The following DYTN variants were observed in gnomAD, a reference collection of about 807,000 sequenced individuals.
The protein encoded by DYTN is dystrotelin.
Under a neutral mutation model 69.6 loss-of-function variants are expected in DYTN, and 75 were observed. That is an observed-to-expected ratio of 1.08 (90% CI 0.89 to 1.31). The LOEUF (loss-of-function observed/expected upper bound fraction) is 1.31. DYTN is among the 50% of genes most tolerant of loss of function. The probability of loss-of-function intolerance (pLI) is 0.00; values close to 1 mark genes in which losing one functional copy is unlikely to be tolerated. For missense variants in DYTN, 726 were observed against 688.4 expected (o/e 1.05, Z -0.61); for synonymous variants, 252 against 249.1 (o/e 1.01, Z -0.11).
At chr2:206,667,096 A>G (rs1374070676) in intron 9 of DYTN, among the ~76,000 whole-genome samples, 2 of 152,166 alleles carry the variant, frequency 1.3e-5, no homozygotes, top group African/African-American at 2.4e-5. Flanking sequence ...TCTTTAAAAC[A>G]AAAGTCAAGC....
intron 10 of DYTN, among the ~76,000 whole-genome samples, chr2:206,664,210 T>C (rs1699543407): frequency 6.6e-6 from 1 of 152,204 alleles, no homozygotes; most frequent in South Asian, 2.1e-4. Flanking sequence ...ACTTCTGATG[T>C]GTACTGAAAT....
At chr2:206,678,862 A>C (rs1699719343) in intron 9 of DYTN, among the ~76,000 whole-genome samples, 1 of 152,218 alleles carries the variant, frequency 6.6e-6, no homozygotes, top group South Asian at 2.1e-4. Flanking sequence ...TGAGATAAAA[A>C]GTTATTCAAT....
intron 9 of DYTN, among the ~76,000 whole-genome samples, chr2:206,667,697 CGTGT>C (rs71410894): frequency 0.025 from 3,563 of 144,036 alleles, 138 homozygotes; most frequent in African/African-American, 0.08. Context: ...TTTGCGTGTG[CGTGT>C]GTGTGTGTGT....
At chr2:206,707,742 A>G (rs1243863058) in intron 2 of DYTN, among the ~76,000 whole-genome samples, 1 of 152,164 alleles carries the variant, frequency 6.6e-6, no homozygotes. Context: ...GCATAGTTGT[A>G]ACATTATTAC....
At chr2:206,656,764 CTTTTT>C (rs34895289) in intron 11 of DYTN, among the ~76,000 whole-genome samples, 1 of 138,602 alleles carries the variant, frequency 7.2e-6, no homozygotes. Context: ...TCTAAATAGT[CTTTTT>C]TTTTTTTTTT....
intron 9 of DYTN, among the ~76,000 whole-genome samples, chr2:206,672,219 T>C (rs994591430): frequency 6.6e-6 from 1 of 151,580 alleles, no homozygotes; most frequent in Non-Finnish European, 1.5e-5. Flanking sequence ...ATTCATGTCT[T>C]ATTTCTATGA....
At chr2:206,673,193 T>C (rs1415883503) in intron 9 of DYTN, among the ~76,000 whole-genome samples, 1 of 147,518 alleles carries the variant, frequency 6.8e-6, no homozygotes, top group Non-Finnish European at 1.5e-5. Context: ...ATTTCTTTCT[T>C]ATCTCTTCCC....
intron 9 of DYTN, among the ~76,000 whole-genome samples, chr2:206,689,379 A>G (rs1394453868): frequency 1.3e-5 from 2 of 152,174 alleles, no homozygotes; most frequent in Admixed American, 1.3e-4. Context: ...CTATTATTAC[A>G]TTGTGATTTA....
intron 9 of DYTN, among the ~76,000 whole-genome samples, chr2:206,671,176 C>T (rs1295470549): frequency 6.6e-6 from 1 of 152,142 alleles, no homozygotes; most frequent in Non-Finnish European, 1.5e-5. Flanking sequence ...TTGGCTCCCA[C>T]ACATCGGAAT....
intron 9 of DYTN, among the ~76,000 whole-genome samples, chr2:206,683,028 C>G (rs1328545839): frequency 6.6e-6 from 1 of 152,090 alleles, no homozygotes; most frequent in Non-Finnish European, 1.5e-5. Flanking sequence ...TAAAAGATCA[C>G]ATAATCCCCT....
Position 206,704,882 on chromosome 2 carries a change from A to C in DYTN, c.444T>G (p.Thr148=). 1 of 1,613,876 alleles carries C rather than the reference A, an allele frequency of 6.2e-7. No homozygotes were observed. ...RGGYDSGPRM[T]RRVLRKLLTD... ...TTAGTAGTTTTCTCAAAACCCTTCG[A>C]GTCATGCGTGGCCCAGAATCATAGC... The change falls in exon 5 of 12, where the codon ACT becomes ACG. Residue 148 remains threonine (T), a synonymous_variant. Transcript: ENST00000452335.
intron 9 of DYTN, among the ~76,000 whole-genome samples, chr2:206,685,722 C>T (rs34655651): frequency 0.058 from 8,886 of 152,094 alleles, 369 homozygotes; most frequent in Non-Finnish European, 0.079. Flanking sequence ...ACCCTGGGCA[C>T]GGGGCTCCTG....
chr2:206,678,434 G>A (rs1393520412), intron 9 of DYTN, among the ~76,000 whole-genome samples: 1 of 152,180 alleles, frequency 6.6e-6, no homozygotes, highest in Non-Finnish European at 1.5e-5. Context: ...TCATTCTTGT[G>A]ATTCACTTTA....
intron 9 of DYTN, among the ~76,000 whole-genome samples, chr2:206,672,619 G>A (rs1699641638): frequency 6.6e-6 from 1 of 152,150 alleles, no homozygotes; most frequent in Admixed American, 6.5e-5. Flanking sequence ...ACTTGTCACT[G>A]GATGGTCACA....
In DYTN at chr2:206,693,106, C is replaced by A. The variant is rs895330517; in HGVS notation, c.980+69G>T. On this transcript the variant is annotated intron_variant, in intron 9 of 11. Coordinates refer to ENST00000452335, the MANE Select transcript of DYTN (RefSeq NM_001093730.1). Reference sequence around the variant, plus strand: ...CTTCAGCATTAGAAAGATTGCTGGCCGGTTACCATAACACCCAGGGCCCTT... The same window carrying A: ...CTTCAGCATTAGAAAGATTGCTGGCAGGTTACCATAACACCCAGGGCCCTT... The A allele has an allele frequency of 3.3e-6, 5 of 1,500,622 alleles. No homozygotes were observed. In the East Asian group the frequency reaches 9.8e-5, roughly 30 times the overall value. The allele number at this position is 1,500,622 out of a possible 1,614,324, so 93.0% of individuals were successfully genotyped here.
chr2:206,707,473 T>C lies in DYTN; in HGVS notation c.125A>G (p.Gln42Arg), dbSNP rs762072789. ...CCAGAAACTTGGACGCAGTAGGACCTGCTGAATCAGGGAGCTGTCAATCAA... is the reference window on the plus strand; with the variant it reads ...CCAGAAACTTGGACGCAGTAGGACCCGCTGAATCAGGGAGCTGTCAATCAA... ...LDLIDSSLIQ[Q>R]VLLRPSFWEA... The change falls in exon 3 of 12, where the codon CAG becomes CGG. Residue 42 changes from glutamine (Q) to arginine (R), a missense_variant. Gln to Arg is a conservative substitution (Grantham distance 43). Coordinates refer to ENST00000452335, the MANE Select transcript of DYTN (RefSeq NM_001093730.1). The C allele has an allele frequency of 2.4e-5, 39 of 1,611,488 alleles. No homozygotes were observed. Among genetic ancestry groups the C allele is most frequent in the Non-Finnish European group, 2.8e-5 (33 of 1,179,052 alleles).
chr2:206,676,532 A>G (rs772277942), intron 9 of DYTN, among the ~76,000 whole-genome samples: 6 of 152,222 alleles, frequency 3.9e-5, no homozygotes, highest in Non-Finnish European at 8.8e-5. Context: ...CCACCATGGT[A>G]CATGTATATC....
intron 3 of DYTN, among the ~76,000 whole-genome samples, chr2:206,706,762 G>A (rs367668033): frequency 1.3e-5 from 2 of 152,046 alleles, no homozygotes; most frequent in South Asian, 2.1e-4. Flanking sequence ...AAACCTTACA[G>A]CTCAAAAAAC....
chr2:206,698,754 A>G (rs1355601747), intron 7 of DYTN, among the ~76,000 whole-genome samples: 1 of 152,174 alleles, frequency 6.6e-6, no homozygotes, highest in African/African-American at 2.4e-5. Context: ...TGAATCTCCC[A>G]CCTCCAAATC....
Sources: gnomAD v4.1 joint callset for allele counts (sites outside exome capture counted in the v4.1 genomes callset) on GRCh38, gnomAD v4.1.1 for gene constraint, MANE v1.5 for transcripts, NCBI Gene and HGNC (gene_info 2026-07-23, HGNC 2026-07-21) for gene names.